SEL1L2: variants seen among roughly 807,000 people sequenced by gnomAD.
The protein encoded by SEL1L2 is SEL1L2 adaptor subunit of SYVN1 ubiquitin ligase.
Under a neutral mutation model 98.8 loss-of-function variants are expected in SEL1L2, and 89 were observed. That is an observed-to-expected ratio of 0.90 (90% CI 0.76 to 1.07). The LOEUF (loss-of-function observed/expected upper bound fraction) is 1.07, where lower values mean the gene tolerates loss of function less well. Ranked by LOEUF, SEL1L2 falls within the 50% of genes least tolerant of loss-of-function variation. The pLI, the probability that SEL1L2 is intolerant of heterozygous loss-of-function variation, is 0.00. For missense variants in SEL1L2, 788 were observed against 812.0 expected, an observed-to-expected ratio of 0.97 and a Z score of 0.36; for synonymous variants, 262 against 278.5, an observed-to-expected ratio of 0.94 and a Z score of 0.59.
chr20:13,911,171 C>T (rs893708044), intron 5 of SEL1L2, among the ~76,000 whole-genome samples: 1 of 152,240 alleles, frequency 6.6e-6, no homozygotes, highest in Non-Finnish European at 1.5e-5. Flanking sequence ...CGCACCTTAA[C>T]TGTAGTCCAC....
At chr20:13,856,221 C>T (rs1449911896) in intron 18 of SEL1L2, among the ~76,000 whole-genome samples, 4 of 152,064 alleles carry the variant, frequency 2.6e-5, no homozygotes, top group Admixed American at 2.0e-4. Context: ...CCTCTGCCTT[C>T]GGGGTTCAAG....
At chr20:13,957,651 C>G (rs113938304) in intron 1 of SEL1L2, among the ~76,000 whole-genome samples, 1 of 152,046 alleles carries the variant, frequency 6.6e-6, no homozygotes, top group South Asian at 2.1e-4. Context: ...ACAAGGTGGC[C>G]GGCTCCCTTG....
intron 10 of SEL1L2, among the ~76,000 whole-genome samples, chr20:13,884,109 A>C (rs1249413124): frequency 6.6e-6 from 1 of 152,362 alleles, no homozygotes; most frequent in South Asian, 2.1e-4. Flanking sequence ...CATATAAAAT[A>C]CAAATTATAG....
At chr20:13,890,516 C>T (rs932559767) in intron 5 of SEL1L2, among the ~76,000 whole-genome samples, 2 of 152,046 alleles carry the variant, frequency 1.3e-5, no homozygotes, top group Admixed American at 6.6e-5. Context: ...TTGGTGAAGA[C>T]CTTTCACATA....
intron 9 of SEL1L2, among the ~76,000 whole-genome samples, chr20:13,886,063 G>A (rs142222260): frequency 1.1e-4 from 16 of 151,918 alleles, no homozygotes; most frequent in Non-Finnish European, 2.1e-4. Context: ...AATTTTTAAG[G>A]AAGAAATGCA....
upstream of SEL1L2, chr20:13,990,641 A>C: frequency 1.2e-6 from 1 of 830,592 alleles, no homozygotes; most frequent in South Asian, 1.5e-5. Flanking sequence ...TCAGTTGCTA[A>C]GCAACCATTT....
Position 13,918,571 on chromosome 20 carries a change from C to T in SEL1L2, c.386+450G>A, listed in dbSNP as rs116897025. Among the ~76,000 whole-genome samples, 335 of 152,300 alleles carry T rather than the reference C, an allele frequency of 2.2e-3. 7 individuals carry two copies. The East Asian group carries it at 0.055, about 25-fold the overall frequency. ...AAGGAGAAAAATTAAGCTCTTCTTA[C>T]CTTATAAGACTGTTCTGGGGATAAC... On this transcript the variant is annotated intron_variant, in intron 4 of 19. Coordinates refer to ENST00000284951, the MANE Select transcript of SEL1L2 (RefSeq NM_025229.2).
intron 2 of SEL1L2, among the ~76,000 whole-genome samples, chr20:13,946,773 C>A (rs1054279158): frequency 2.5e-5 from 3 of 122,230 alleles, no homozygotes; most frequent in Non-Finnish European, 5.1e-5. Flanking sequence ...CCTGCTCCCA[C>A]TGCCTGGCCT....
At chr20:13,905,734 A>T (rs2047897427) in intron 5 of SEL1L2, among the ~76,000 whole-genome samples, 1 of 152,178 alleles carries the variant, frequency 6.6e-6, no homozygotes, top group Non-Finnish European at 1.5e-5. Context: ...AGAATGATTA[A>T]ATCTTAATCC....
At chr20:13,883,984 A>G (rs1267744816) in intron 10 of SEL1L2, among the ~76,000 whole-genome samples, 1 of 152,232 alleles carries the variant, frequency 6.6e-6, no homozygotes, top group East Asian at 1.9e-4. Context: ...GATGAAAGAA[A>G]ATCTATGGAT....
chr20:13,974,800 A>C (rs181091896), intron 1 of SEL1L2, among the ~76,000 whole-genome samples: 2 of 152,146 alleles, frequency 1.3e-5, no homozygotes, highest in South Asian at 4.1e-4. Flanking sequence ...CTACTTGTAC[A>C]TCTTTCCTAG....
chr20:13,918,443 C>G (rs1315949490), intron 4 of SEL1L2, among the ~76,000 whole-genome samples: 2 of 152,270 alleles, frequency 1.3e-5, no homozygotes, highest in Non-Finnish European at 1.5e-5. Flanking sequence ...ATAAGAGAAA[C>G]AGTGAACATG....
At chr20:13,968,428 T>C (rs982573001) in intron 1 of SEL1L2, among the ~76,000 whole-genome samples, 1 of 152,268 alleles carries the variant, frequency 6.6e-6, no homozygotes, top group Non-Finnish European at 1.5e-5. Context: ...AATGTTATTC[T>C]TATGATTAAT....
chr20:13,934,703 C>T (rs1330262438), intron 2 of SEL1L2, among the ~76,000 whole-genome samples: 1 of 151,334 alleles, frequency 6.6e-6, no homozygotes, highest in African/African-American at 2.4e-5. Flanking sequence ...GTTTTCCACA[C>T]TGGTTGTTTT....
At chr20:13,904,106 G>C (rs117755125) in intron 5 of SEL1L2, among the ~76,000 whole-genome samples, 3,054 of 152,230 alleles carry the variant, frequency 0.02, 48 homozygotes, top group Non-Finnish European at 0.03. Flanking sequence ...ACAATTTCAA[G>C]TACAAAGAAC....
At chr20:13,994,295 C>CAAAAAAAAAAAAAAAAAAAA (rs10557935), upstream of SEL1L2, among the ~76,000 whole-genome samples, 1 of 70,956 alleles carries the variant, frequency 1.4e-5, no homozygotes, top group African/African-American at 5.4e-5. Context: ...AACTCTGCCT[C>CAAAAAAAAAAAAAAAAAAAA]AAAAAAAAAA....
At chr20:13,990,233 A>T (rs2052474756) in intron 1 of SEL1L2, among the ~76,000 whole-genome samples, 1 of 152,080 alleles carries the variant, frequency 6.6e-6, no homozygotes, top group Non-Finnish European at 1.5e-5. Flanking sequence ...TTCCTCATAG[A>T]TTTGTTTTTT....
At chr20:13,949,412 C>T (rs532705404) in intron 2 of SEL1L2, among the ~76,000 whole-genome samples, 31 of 152,300 alleles carry the variant, frequency 2.0e-4, no homozygotes, top group Admixed American at 1.8e-3. Flanking sequence ...CGCCTGTAAT[C>T]CCAGCACCTT....
intron 1 of SEL1L2, among the ~76,000 whole-genome samples, chr20:13,958,407 T>C (rs773177235): frequency 1.3e-5 from 2 of 152,248 alleles, no homozygotes; most frequent in Non-Finnish European, 1.5e-5. Flanking sequence ...AATGTGGTTA[T>C]GTTACACATC....
Sources: allele counts gnomAD v4.1 joint callset (sites outside exome capture counted in the v4.1 genomes callset), GRCh38; gene constraint gnomAD v4.1.1; transcripts MANE v1.5; gene names NCBI Gene and HGNC (gene_info 2026-07-23, HGNC 2026-07-21).